The following KALRN variants were observed in gnomAD, a reference collection of about 807,000 sequenced individuals.
KALRN encodes the protein kalirin.
KALRN carries 70 observed loss-of-function variants against 353.7 expected under a neutral mutation model. That is an observed-to-expected ratio of 0.20 (90% CI 0.16 to 0.24). KALRN has a LOEUF of 0.24. KALRN is among the 10% of genes least tolerant of loss of function. The pLI is 1.00. For synonymous variants in KALRN, 1,391 were observed against 1,434.8 expected (o/e 0.97, Z 0.69); for missense variants, 2,791 against 3,756.7 (o/e 0.74, Z 6.72).
At chr3:124,587,514 G>A (rs2075315801) in intron 34 of KALRN, among the ~76,000 whole-genome samples, 1 of 152,192 alleles carries the variant, frequency 6.6e-6, no homozygotes, top group Admixed American at 6.5e-5. Flanking sequence ...TTTCTCTGGT[G>A]AATTCTGAGT....
chr3:124,528,351 G>C (rs62265344), intron 33 of KALRN, among the ~76,000 whole-genome samples: 2 of 152,170 alleles, frequency 1.3e-5, no homozygotes, highest in Non-Finnish European at 2.9e-5. Context: ...TTGGTTCCCT[G>C]TGCCCAAGTA....
At chr3:124,281,058 T>TA (rs942119809) in intron 5 of KALRN, among the ~76,000 whole-genome samples, 15 of 151,456 alleles carry the variant, frequency 9.9e-5, no homozygotes, top group South Asian at 2.1e-4. Flanking sequence ...TAAAGTATAA[T>TA]AAAAAAAAGA....
In KALRN at chr3:124,590,492, G is replaced by A. The variant is rs182200096; in HGVS notation, c.5182+27403G>A. On this transcript the variant is annotated intron_variant, in intron 34 of 59. Coordinates refer to ENST00000682506, the MANE Select transcript of KALRN (RefSeq NM_001388419.1). ...AATAAAAAAGCAAGTTGAATGTTGAGGACTTTACTCTTGAGCCCATACAAC... is the reference window on the plus strand; with the variant it reads ...AATAAAAAAGCAAGTTGAATGTTGAAGACTTTACTCTTGAGCCCATACAAC... Among the ~76,000 whole-genome samples, 15 of 152,154 alleles carry A rather than the reference G, an allele frequency of 9.9e-5. No individual in the cohort carries two copies. The East Asian group carries it at 2.9e-3, about 29-fold the overall frequency.
intron 25 of KALRN, among the ~76,000 whole-genome samples, chr3:124,468,905 A>ATCAACAT (rs1453172433): frequency 2.6e-5 from 4 of 152,226 alleles, no homozygotes; most frequent in African/African-American, 9.6e-5. Context: ...TCAGTAAGCT[A>ATCAACAT]TCAACATTGG....
chr3:124,633,423 C>G (rs1379350916), intron 35 of KALRN, among the ~76,000 whole-genome samples: 2 of 152,186 alleles, frequency 1.3e-5, no homozygotes. Flanking sequence ...CTAAGAAATT[C>G]TTTGTGATGT....
chr3:124,206,574 C>T (rs748851182), intron 1 of KALRN, among the ~76,000 whole-genome samples: 4 of 152,182 alleles, frequency 2.6e-5, no homozygotes, highest in East Asian at 1.9e-4. Flanking sequence ...TCACCAGAGA[C>T]GACTTCTTGT....
At chr3:124,340,633 A>G (rs1182808233) in intron 9 of KALRN, among the ~76,000 whole-genome samples, 1 of 152,054 alleles carries the variant, frequency 6.6e-6, no homozygotes, top group Non-Finnish European at 1.5e-5. Context: ...CACTATACAG[A>G]GATTGTTTGT....
At chr3:124,168,660 G>A (rs1043200890) in intron 1 of KALRN, among the ~76,000 whole-genome samples, 2 of 152,100 alleles carry the variant, frequency 1.3e-5, no homozygotes, top group Non-Finnish European at 2.9e-5. Context: ...TTATCTCTTG[G>A]TCAACTTTCC....
intron 10 of KALRN, among the ~76,000 whole-genome samples, chr3:124,361,360 T>C (rs2084016795): frequency 6.6e-6 from 1 of 152,254 alleles, no homozygotes; most frequent in African/African-American, 2.4e-5. Flanking sequence ...GTTGTCTAAC[T>C]AACAGTTGCT....
intron 6 of KALRN, among the ~76,000 whole-genome samples, chr3:124,312,932 CG>C (rs1215881376): frequency 6.6e-6 from 1 of 152,166 alleles, no homozygotes; most frequent in African/African-American, 2.4e-5. Flanking sequence ...CCTAAATAAA[CG>C]CTTGTTGAAT....
intron 34 of KALRN, among the ~76,000 whole-genome samples, chr3:124,608,325 A>G (rs1578310658): frequency 6.6e-6 from 1 of 152,072 alleles, no homozygotes; most frequent in Non-Finnish European, 1.5e-5. Context: ...ATACCCTCTC[A>G]TGCAACCTTT....
Position 124,399,128 on chromosome 3 carries a change from C to T in KALRN, c.2346+257C>T, listed in dbSNP as rs182557263. Among the ~76,000 whole-genome samples, 38 of 151,368 alleles carry T rather than the reference C, an allele frequency of 2.5e-4. No individual in the cohort carries two copies. In the East Asian group the frequency reaches 5.6e-3, roughly 23 times the overall value. On this transcript the variant is annotated intron_variant, in intron 13 of 59. Transcript: ENST00000682506. ...GAAGTTTTTTTTGTTTGTTTTTGTT[C>T]GTTTTGTTTTGTTTTGTTTTGTTCT...
Position 124,474,648 on chromosome 3 carries a change from T to C in KALRN, c.4032-15T>C. The stretch of plus-strand genomic sequence containing the variant: ...GCACAGAGGTGTCTGATTCAGTCTT[T>C]TTCTCCTCTTGCAGCATCTTCCTCA... On this transcript the variant is annotated splice_polypyrimidine_tract_variant and intron_variant, in intron 25 of 59. Coordinates refer to ENST00000682506, the MANE Select transcript of KALRN (RefSeq NM_001388419.1). 6.2e-7 allele frequency: 1 copy of C among 1,612,366 alleles called. No individual in the cohort carries two copies. The highest frequency in any genetic ancestry group is 1.1e-5 in the South Asian group (1 of 91,032).
At chr3:124,634,682 A>G (rs2149860449) in intron 36 of KALRN, among the ~76,000 whole-genome samples, 1 of 152,232 alleles carries the variant, frequency 6.6e-6, no homozygotes, top group East Asian at 1.9e-4. Context: ...GTCTCCTTGC[A>G]GCTCTGCTTT....
At chr3:124,613,996 T>C (rs1177424141) in intron 34 of KALRN, among the ~76,000 whole-genome samples, 1 of 152,172 alleles carries the variant, frequency 6.6e-6, no homozygotes, top group African/African-American at 2.4e-5. Context: ...CCAACACCAT[T>C]TTCAGTGACA....
chr3:124,548,976 G>A (rs1246191200), intron 33 of KALRN, among the ~76,000 whole-genome samples: 1 of 152,182 alleles, frequency 6.6e-6, no homozygotes, highest in African/African-American at 2.4e-5. Flanking sequence ...ATCTTTAATT[G>A]AAACAGCAGC....
At chr3:124,161,727 G>A (rs2069990714) in intron 1 of KALRN, among the ~76,000 whole-genome samples, 1 of 152,138 alleles carries the variant, frequency 6.6e-6, no homozygotes, top group Non-Finnish European at 1.5e-5. Flanking sequence ...AGGCCTGTGG[G>A]CATCCACATC....
chr3:124,509,511 T>G (rs1045019253), intron 33 of KALRN, among the ~76,000 whole-genome samples: 1 of 152,188 alleles, frequency 6.6e-6, no homozygotes, highest in Non-Finnish European at 1.5e-5. Flanking sequence ...CCCAACCACA[T>G]TTAGTATTTT....
intron 1 of KALRN, among the ~76,000 whole-genome samples, chr3:124,058,251 C>G (rs1023795699): frequency 2.0e-5 from 3 of 152,104 alleles, no homozygotes; most frequent in African/African-American, 7.2e-5. Context: ...TCCAAATTCC[C>G]CATAGAATAT....
Sources: allele counts gnomAD v4.1 joint callset (sites outside exome capture counted in the v4.1 genomes callset), GRCh38; gene constraint gnomAD v4.1.1; transcripts MANE v1.5; gene names NCBI Gene and HGNC (gene_info 2026-07-23, HGNC 2026-07-21).